The following RALGAPA2 variants were observed in gnomAD, a reference collection of about 807,000 sequenced individuals.
RALGAPA2 encodes the protein ral GTPase-activating protein subunit alpha-2.
A neutral mutation model predicts 230.4 loss-of-function variants in RALGAPA2; 139 were observed. The ratio of observed to expected loss-of-function variants is 0.60; its 90% CI spans 0.53 to 0.69. The LOEUF is 0.69. Among genes scored for constraint, RALGAPA2 ranks in the 30% least tolerant of loss-of-function variants. RALGAPA2 has a pLI of 0.00. For synonymous variants in RALGAPA2, 847 were observed against 837.8 expected (o/e 1.01, Z -0.19); for missense variants, 2,163 against 2,276.0 (o/e 0.95, Z 1.01).
intron 37 of RALGAPA2, among the ~76,000 whole-genome samples, chr20:20,468,922 T>G (rs2061478573): frequency 6.6e-6 from 1 of 151,980 alleles, no homozygotes; most frequent in South Asian, 2.1e-4. Context: ...GCCCCTTAAA[T>G]GTTTCCATCA....
At chr20:20,662,493 G>T (rs991363648) in intron 3 of RALGAPA2, among the ~76,000 whole-genome samples, 2 of 151,738 alleles carry the variant, frequency 1.3e-5, no homozygotes, top group Non-Finnish European at 2.9e-5. Flanking sequence ...TCAAAAAATA[G>T]AAATAAAAAA....
At chr20:20,506,198 A>C (rs1162313268) in intron 33 of RALGAPA2, among the ~76,000 whole-genome samples, 1 of 152,038 alleles carries the variant, frequency 6.6e-6, no homozygotes. Context: ...TAAACCCTTC[A>C]TCTGCTTGTT....
At chr20:20,608,025 T>C (rs1237322484) in intron 14 of RALGAPA2, among the ~76,000 whole-genome samples, 1 of 152,218 alleles carries the variant, frequency 6.6e-6, no homozygotes, top group Non-Finnish European at 1.5e-5. Flanking sequence ...CAGCCTGGAC[T>C]ACCCTGGTTT....
intron 13 of RALGAPA2, among the ~76,000 whole-genome samples, chr20:20,612,940 G>A (rs150660884): frequency 1.4e-4 from 22 of 152,294 alleles, no homozygotes; most frequent in Non-Finnish European, 2.6e-4. Context: ...AATGTGATGA[G>A]AACAACAGAC....
chr20:20,702,762 T>C lies in RALGAPA2; in HGVS notation c.106+9613A>G, dbSNP rs192986597. 7.2e-3 allele frequency among the ~76,000 whole-genome samples: 1,104 copies of C among 152,310 alleles called. 5 individuals carry two copies. The highest frequency in any genetic ancestry group is 0.011 in the Non-Finnish European group (775 of 68,018). On this transcript the variant is annotated intron_variant, in intron 1 of 39. Coordinates refer to ENST00000202677, the MANE Select transcript of RALGAPA2 (RefSeq NM_020343.4). Reference sequence around the variant, plus strand: ...AGTACCATGCTTGTACTTTCAGGCATGGTTAAGGTTCAATGAATATGTGTC... The same window carrying C: ...AGTACCATGCTTGTACTTTCAGGCACGGTTAAGGTTCAATGAATATGTGTC...
chr20:20,605,060 CTG>C, intron 15 of RALGAPA2, 113 bp downstream of exon 15: 1 of 785,526 alleles, frequency 1.3e-6, no homozygotes, highest in Admixed American at 2.3e-5. Flanking sequence ...TAAGAAGACA[CTG>C]TGTAGTTGGT....
intron 20 of RALGAPA2, among the ~76,000 whole-genome samples, chr20:20,575,288 A>G (rs1002014526): frequency 6.6e-6 from 1 of 152,068 alleles, no homozygotes; most frequent in East Asian, 1.9e-4. Flanking sequence ...CTCCAACAAC[A>G]TATTTGACAG....
intron 37 of RALGAPA2, among the ~76,000 whole-genome samples, chr20:20,427,560 G>A (rs1257603238): frequency 3.3e-5 from 5 of 151,994 alleles, no homozygotes; most frequent in South Asian, 4.1e-4. Context: ...CTGGTGCCCC[G>A]TTTCAAGTGG....
intron 3 of RALGAPA2, among the ~76,000 whole-genome samples, chr20:20,668,486 T>C (rs2068030342): frequency 6.6e-6 from 1 of 152,248 alleles, no homozygotes; most frequent in Admixed American, 6.5e-5. Context: ...TTGCTTTTCT[T>C]GTTCATTTTA....
intron 23 of RALGAPA2, among the ~76,000 whole-genome samples, chr20:20,548,902 A>G (rs1277134647): frequency 1.3e-5 from 2 of 152,234 alleles, no homozygotes; most frequent in Admixed American, 6.5e-5. Flanking sequence ...TTCTGTTGAC[A>G]TATGTTGCAA....
chr20:20,468,963 T>TTGTGTGTG (rs754994354), intron 37 of RALGAPA2, among the ~76,000 whole-genome samples: 6 of 143,380 alleles, frequency 4.2e-5, no homozygotes, highest in East Asian at 2.1e-4. Context: ...GTGTGTGTGT[T>TTGTGTGTG]TGTGTGTGTG....
intron 37 of RALGAPA2, among the ~76,000 whole-genome samples, chr20:20,419,143 T>C (rs1569381245): frequency 3.3e-5 from 5 of 152,174 alleles, no homozygotes; most frequent in Admixed American, 2.0e-4. Context: ...GGATTACCTC[T>C]GGGGTGTGGA....
Position 20,495,318 on chromosome 20 carries a change from G to A in RALGAPA2, c.5209-43C>T, listed in dbSNP as rs370286276. 70 of 1,438,632 alleles carry A rather than the reference G, an allele frequency of 4.9e-5. 1 individual carries two copies. Among genetic ancestry groups the A allele is most frequent in the South Asian group, 1.3e-4 (8 of 61,572 alleles). The allele number at this position is 1,438,632 out of a possible 1,614,324, so 89.1% of individuals were successfully genotyped here. ...CTGTTTATTAATCAGGGTGATAACAGCAGTTTATGAGGGGTCATGGCTTAC... is the reference window on the plus strand; with the variant it reads ...CTGTTTATTAATCAGGGTGATAACAACAGTTTATGAGGGGTCATGGCTTAC... On this transcript the variant is annotated intron_variant, in intron 35 of 39. Transcript: ENST00000202677.
At position 20,421,867 on chromosome 20, in the gene RALGAPA2, A is replaced by G. The variant is rs1484105391; in HGVS notation, c.5496-9719T>C. Among the ~76,000 whole-genome samples the G allele has an allele frequency of 2.0e-5, 3 of 152,220 alleles. No homozygotes were observed. The South Asian group carries it at 6.2e-4, about 31-fold the overall frequency. On this transcript the variant is annotated intron_variant, in intron 37 of 39. Coordinates refer to ENST00000202677, the MANE Select transcript of RALGAPA2 (RefSeq NM_020343.4). ...GGAGCATTATTATTTACAGCCAAAA[A>G]CCAGAAACAACCCCCTTGCCTGCAA...
intron 37 of RALGAPA2, among the ~76,000 whole-genome samples, chr20:20,422,958 A>T (rs6046849): frequency 5.9e-5 from 9 of 151,980 alleles, no homozygotes; most frequent in Admixed American, 2.6e-4. Flanking sequence ...AAGAAGCAAC[A>T]CCAGCCTGTG....
intron 32 of RALGAPA2, 47 bp downstream of exon 32, chr20:20,512,466 C>A (rs1046808306): frequency 2.1e-5 from 31 of 1,461,994 alleles, no homozygotes; most frequent in African/African-American, 2.8e-5. Flanking sequence ...AGAACAAGTA[C>A]ATGAAAATAA....
chr20:20,530,984 T>C (rs1204186714), intron 27 of RALGAPA2, among the ~76,000 whole-genome samples: 1 of 152,210 alleles, frequency 6.6e-6, no homozygotes, highest in Admixed American at 6.5e-5. Flanking sequence ...ATTTGAGCTC[T>C]GGCTTAGAGG....
chr20:20,660,803 C>T (rs1303526947), intron 3 of RALGAPA2, among the ~76,000 whole-genome samples: 1 of 152,054 alleles, frequency 6.6e-6, no homozygotes, highest in Non-Finnish European at 1.5e-5. Flanking sequence ...TAGACTATGT[C>T]TCACCTCCCT....
chr20:20,639,873 G>A lies in RALGAPA2; in HGVS notation c.578C>T (p.Pro193Leu). ...DVKIYPEEITPLLPAISGEKI... is the reference protein window; with the variant it reads ...DVKIYPEEITLLLPAISGEKI... ...CTCCCCTGATATGGCTGGTAGGAGT[G>A]GAGTGATTTCTTCTGGATATATCTT... The change falls in exon 7 of 40, where the codon CCA becomes CTA. Residue 193 changes from proline (P) to leucine (L), a missense_variant. Pro to Leu is a moderately conservative substitution (Grantham distance 98). Coordinates refer to ENST00000202677, the MANE Select transcript of RALGAPA2 (RefSeq NM_020343.4). 1.2e-6 allele frequency: 2 copies of A among 1,613,194 alleles called. No homozygotes were observed. Among genetic ancestry groups the A allele is most frequent in the South Asian group, 1.1e-5 (1 of 91,068 alleles).
Sources: allele counts gnomAD v4.1 joint callset (sites outside exome capture counted in the v4.1 genomes callset), GRCh38; gene constraint gnomAD v4.1.1; transcripts MANE v1.5; gene names NCBI Gene and HGNC (gene_info 2026-07-23, HGNC 2026-07-21).